LGI1: variants seen among roughly 807,000 people sequenced by gnomAD.
LGI1 encodes leucine-rich glioma-inactivated protein 1.
In LGI1, 11 loss-of-function variants were observed where a neutral mutation model predicts 57.7. The ratio of observed to expected loss-of-function variants is 0.19; its 90% CI spans 0.12 to 0.32. LGI1 has a LOEUF of 0.32. LGI1 is among the 10% of genes least tolerant of loss of function. The pLI, the probability that LGI1 is intolerant of heterozygous loss-of-function variation, is 1.00. For missense variants in LGI1, 422 were observed against 661.9 expected (o/e 0.64, Z 3.98); for synonymous variants, 222 against 241.9 (o/e 0.92, Z 0.76).
At chr10:93,793,414 A>T in intron 7 of LGI1, 64 bp downstream of exon 7, 1 of 1,353,072 alleles carries the variant, frequency 7.4e-7, no homozygotes, top group Non-Finnish European at 1.1e-6. Context: ...GGCAACAAGG[A>T]AAGATGAGTG....
At chr10:93,789,858 C>T (rs865870581) in intron 4 of LGI1, 37 of 480,918 alleles carry the variant, frequency 7.7e-5, no homozygotes, top group South Asian at 3.1e-4. Flanking sequence ...GGTGACAGAG[C>T]GAGACTTTTG....
At chr10:93,792,633 G>T in intron 5 of LGI1, 110 bp from the exon 6 acceptor site, 1 of 1,125,012 alleles carries the variant, frequency 8.9e-7, no homozygotes, top group South Asian at 1.2e-5. Context: ...TATAGGGCAG[G>T]ATGCAACGCC....
chr10:93,788,955 G>A (rs1252018793), intron 4 of LGI1: 1 of 151,942 alleles, frequency 6.6e-6, no homozygotes, highest in Non-Finnish European at 1.5e-5. Context: ...TTTATAACGT[G>A]TATATATATG....
chr10:93,773,913 A>G (rs991205443), intron 2 of LGI1, among the ~76,000 whole-genome samples: 1 of 152,206 alleles, frequency 6.6e-6, no homozygotes, highest in Non-Finnish European at 1.5e-5. Context: ...GCAGGCCTAC[A>G]GGGTCCAGAT....
chr10:93,760,553 C>G (rs1470087294), intron 2 of LGI1, among the ~76,000 whole-genome samples: 1 of 152,190 alleles, frequency 6.6e-6, no homozygotes, highest in African/African-American at 2.4e-5. Context: ...TCAGTAGACA[C>G]TAGATGGACA....
intron 2 of LGI1, among the ~76,000 whole-genome samples, chr10:93,761,435 A>G (rs7093710): frequency 0.31 from 47,461 of 152,054 alleles, 7,572 homozygotes; most frequent in South Asian, 0.42. Context: ...TTCTTGCTTT[A>G]TTGTTGGGAA....
chr10:93,787,906 C>A (rs1446239772), intron 4 of LGI1, among the ~76,000 whole-genome samples: 38 of 115,634 alleles, frequency 3.3e-4, no homozygotes, highest in African/African-American at 9.5e-4. Context: ...GACCCTGTCT[C>A]AAAAAAAAAA....
Position 93,793,170 on chromosome 10 carries a change from T to C in LGI1, c.674-16T>C. 3 of 1,598,406 alleles carry C rather than the reference T, an allele frequency of 1.9e-6. No homozygotes were observed. The highest frequency in any genetic ancestry group is 1.7e-4 in the Middle Eastern group (1 of 5,918). ...GGTATTAGCTCACAGTTACTTATTATTTCCTATTTTTGCAGAATTTGCAAA... is the reference window on the plus strand; with the variant it reads ...GGTATTAGCTCACAGTTACTTATTACTTCCTATTTTTGCAGAATTTGCAAA... On this transcript the variant is annotated splice_polypyrimidine_tract_variant and intron_variant, in intron 6 of 7. Transcript: ENST00000371418.
chr10:93,784,899 T>C (rs1267890513), intron 4 of LGI1, among the ~76,000 whole-genome samples: 1 of 152,142 alleles, frequency 6.6e-6, no homozygotes, highest in Non-Finnish European at 1.5e-5. Flanking sequence ...AACATGATGT[T>C]CCAGAATCAC....
chr10:93,792,367 G>A (rs2059944098), intron 5 of LGI1: 1 of 221,348 alleles, frequency 4.5e-6, no homozygotes, highest in South Asian at 8.1e-5. Flanking sequence ...TGTATGTATT[G>A]GGTTAAATAA....
rs753222379 is a variant in LGI1, at chr10:93,758,409, G to A, written c.215+50G>A. 6 of 1,566,472 alleles carry A rather than the reference G, an allele frequency of 3.8e-6. No individual in the cohort carries two copies. The Admixed American group carries it at 1.0e-4, about 26-fold the overall frequency. On this transcript the variant is annotated intron_variant, in intron 1 of 7. Transcript: ENST00000371418. This position sits in a 1 kb window ranked among gnomAD's most constrained non-coding sequence, Gnocchi z 4.7. Reference sequence around the variant, plus strand: ...TCTAATTTACGATTTAAAAATTCCAGCCGGTGGATTTGGGGCTTTGCATGT... The same window carrying A: ...TCTAATTTACGATTTAAAAATTCCAACCGGTGGATTTGGGGCTTTGCATGT...
rs1272503282 is a variant in LGI1 at position 93,758,270 on chromosome 10, C to T, written c.126C>T (p.Cys42=). The change falls in exon 1 of 8, where the codon TGC becomes TGT. Residue 42 remains cysteine (C), a synonymous_variant. Transcript: ENST00000371418. The surrounding 1 kb of genome is among the most constrained non-coding windows in gnomAD (Gnocchi z 4.7). ...GGAAGAAACCAGCGAAGCCAAAATG[C>T]CCTGCCGTGTGTACTTGTACCAAAG... ...TEGKKPAKPK[C]PAVCTCTKDN... The T allele has an allele frequency of 2.5e-6, 4 of 1,614,072 alleles. No homozygotes were observed. Among genetic ancestry groups the T allele is most frequent in the Non-Finnish European group, 2.5e-6 (3 of 1,180,032 alleles).
intron 4 of LGI1, among the ~76,000 whole-genome samples, chr10:93,783,790 T>C (rs1461508712): frequency 6.6e-6 from 1 of 152,142 alleles, no homozygotes; most frequent in Non-Finnish European, 1.5e-5. Context: ...GGCGGGCGGA[T>C]CACTTGAGGT....
In LGI1 at chr10:93,758,005, G is replaced by A; in HGVS notation, c.-140G>A. On this transcript the variant is annotated 5_prime_UTR_variant, in exon 1 of 8. Coordinates refer to ENST00000371418, the MANE Select transcript of LGI1 (RefSeq NM_005097.4). The surrounding 1 kb of genome is among the most constrained non-coding windows in gnomAD (Gnocchi z 4.7). Reference sequence around the variant, plus strand: ...GCGAGGAGAAGCTCACGAATCAGCTGCAGGTCTCTGTTTTGAAAAAGCAGA... The same window carrying A: ...GCGAGGAGAAGCTCACGAATCAGCTACAGGTCTCTGTTTTGAAAAAGCAGA... The A allele has an allele frequency of 1.3e-6, 1 of 754,802 alleles. No individual in the cohort carries two copies. Among genetic ancestry groups the A allele is most frequent in the Non-Finnish European group, 2.3e-6 (1 of 429,052 alleles). The allele number at this position is 754,802 out of a possible 1,614,324, so 46.8% of individuals were successfully genotyped here. A position where few individuals can be genotyped will look rare whatever the true frequency, so the allele number is the denominator to read the frequency against.
chr10:93,786,943 T>C (rs866557097), intron 4 of LGI1, among the ~76,000 whole-genome samples: 1 of 152,200 alleles, frequency 6.6e-6, no homozygotes, highest in African/African-American at 2.4e-5. Flanking sequence ...TCAGCATTGC[T>C]TTCCTAAGTC....
intron 4 of LGI1, among the ~76,000 whole-genome samples, chr10:93,787,897 A>T (rs1255534445): frequency 8.5e-6 from 1 of 117,138 alleles, no homozygotes; most frequent in Non-Finnish European, 1.8e-5. Flanking sequence ...ACAAAGTGAG[A>T]CCCTGTCTCA....
chr10:93,785,932 G>A lies in LGI1; in HGVS notation c.432-4167G>A, dbSNP rs969154600. Among the ~76,000 whole-genome samples the A allele has an allele frequency of 6.6e-5, 3 of 45,622 alleles. 1 individual carries two copies. The highest frequency in any genetic ancestry group is 9.1e-5 in the African/African-American group (3 of 32,808). The allele number at this position is 45,622 out of a possible 152,430, so 29.9% of individuals were successfully genotyped here. A position where few individuals can be genotyped will look rare whatever the true frequency, so the allele number is the denominator to read the frequency against. On this transcript the variant is annotated intron_variant, in intron 4 of 7. Transcript: ENST00000371418. The stretch of plus-strand genomic sequence containing the variant: ...TGCTGAGGAGGCTTCAGGGAACGTC[G>A]CGTGACTTGCCCTTTTTTTTTCCTG...
At chr10:93,783,749 T>G (rs112281414) in intron 4 of LGI1, among the ~76,000 whole-genome samples, 1 of 152,142 alleles carries the variant, frequency 6.6e-6, no homozygotes, top group Non-Finnish European at 1.5e-5. Flanking sequence ...CGGTGGCTCA[T>G]GCTTGTAATC....
chr10:93,779,999 T>A (rs2059832522), intron 4 of LGI1, among the ~76,000 whole-genome samples: 1 of 152,244 alleles, frequency 6.6e-6, no homozygotes, highest in Non-Finnish European at 1.5e-5. Context: ...GGCAATGCCA[T>A]ATGGTTCATC....
Sources: allele counts gnomAD v4.1 joint callset (sites outside exome capture counted in the v4.1 genomes callset), GRCh38; gene constraint gnomAD v4.1.1; non-coding constraint Gnocchi (gnomAD v3.1); transcripts MANE v1.5; gene names NCBI Gene and HGNC (gene_info 2026-07-23, HGNC 2026-07-21).